The following CTNNA2 variants were observed in gnomAD, a reference collection of about 807,000 sequenced individuals.
CTNNA2 encodes catenin alpha-2.
Under a neutral mutation model 101.0 loss-of-function variants are expected in CTNNA2, and 42 were observed. The ratio of observed to expected loss-of-function variants is 0.42; its 90% CI spans 0.32 to 0.54. The LOEUF is 0.54. CTNNA2 is among the 20% of genes least tolerant of loss of function. CTNNA2 has a pLI of 0.14. For synonymous variants in CTNNA2, 450 were observed against 456.4 expected (o/e 0.99, Z 0.18); for missense variants, 871 against 1,223.1 (o/e 0.71, Z 4.29).
intron 9 of CTNNA2, among the ~76,000 whole-genome samples, chr2:80,436,749 G>A (rs1224263129): frequency 6.6e-6 from 1 of 152,088 alleles, no homozygotes; most frequent in Admixed American, 6.6e-5. Context: ...TCATATGATG[G>A]AAGAGGCAAA....
chr2:79,354,123 G>T (rs1334285111), intron 3 of CTNNA2, among the ~76,000 whole-genome samples: 1 of 151,938 alleles, frequency 6.6e-6, no homozygotes, highest in Non-Finnish European at 1.5e-5. Flanking sequence ...CTTTTGAGTT[G>T]ACCTTGGAAA....
intron 2 of CTNNA2, among the ~76,000 whole-genome samples, chr2:79,212,307 T>G (rs1434194631): frequency 6.6e-6 from 1 of 151,990 alleles, no homozygotes; most frequent in East Asian, 1.9e-4. Context: ...ATGACAAGTT[T>G]TTTGGGGCAC....
chr2:80,189,555 T>G (rs1174567583), intron 7 of CTNNA2, among the ~76,000 whole-genome samples: 2 of 152,172 alleles, frequency 1.3e-5, no homozygotes, highest in Non-Finnish European at 2.9e-5. Context: ...CCTAGTAGCC[T>G]TCAGGATCAC....
intron 7 of CTNNA2, among the ~76,000 whole-genome samples, chr2:79,921,936 TC>T (rs1686685283): frequency 6.6e-6 from 1 of 152,176 alleles, no homozygotes; most frequent in African/African-American, 2.4e-5. Flanking sequence ...TATTCCAGGT[TC>T]CTGCCTTGGT....
intron 6 of CTNNA2, among the ~76,000 whole-genome samples, chr2:79,884,653 A>G (rs1462579477): frequency 1.3e-5 from 2 of 151,650 alleles, no homozygotes; most frequent in Non-Finnish European, 2.9e-5. Context: ...TGGTATAGCA[A>G]CTCTACATAA....
Position 79,327,925 on chromosome 2 carries a change from G to T in CTNNA2, c.-318+15129G>T, listed in dbSNP as rs552687049. Among the ~76,000 whole-genome samples the T allele has an allele frequency of 1.1e-4, 17 of 152,226 alleles. No homozygotes were observed. The South Asian group carries it at 3.5e-3, about 32-fold the overall frequency. On this transcript the variant is annotated intron_variant, in intron 3 of 21. Transcript: ENST00000466387. ...TCAGAAGACTAGTAGGCAAAGGTAG[G>T]GTGTGGAGGAATGAGTCTATGTCAC...
intron 3 of CTNNA2, among the ~76,000 whole-genome samples, chr2:79,813,327 C>T (rs1677199379): frequency 6.6e-6 from 1 of 152,126 alleles, no homozygotes; most frequent in Non-Finnish European, 1.5e-5. Flanking sequence ...TCAAGGGAGG[C>T]AATTGCATTA....
chr2:79,652,551 C>G (rs1009177370), intron 2 of CTNNA2, among the ~76,000 whole-genome samples: 35 of 152,082 alleles, frequency 2.3e-4, no homozygotes, highest in Admixed American at 8.5e-4. Flanking sequence ...TGCATCCCAT[C>G]TCTGAAATTG....
intron 1 of CTNNA2, among the ~76,000 whole-genome samples, chr2:79,563,189 T>TA (rs879673133): frequency 0.028 from 1,126 of 40,312 alleles, 29 homozygotes; most frequent in African/African-American, 0.062. Flanking sequence ...ATATATATAT[T>TA]TTCCTTCATT....
At chr2:79,606,946 A>G (rs957654792) in intron 1 of CTNNA2, among the ~76,000 whole-genome samples, 4 of 152,232 alleles carry the variant, frequency 2.6e-5, no homozygotes, top group African/African-American at 7.2e-5. Context: ...AATCATGTCA[A>G]CGATTACATT....
chr2:80,042,763 T>C (rs758183993), intron 7 of CTNNA2, among the ~76,000 whole-genome samples: 4 of 152,232 alleles, frequency 2.6e-5, no homozygotes, highest in Non-Finnish European at 5.9e-5. Flanking sequence ...TATGCTATTA[T>C]GACTTTTCGA....
intron 7 of CTNNA2, among the ~76,000 whole-genome samples, chr2:80,314,834 G>A (rs1385079408): frequency 6.6e-6 from 1 of 152,212 alleles, no homozygotes; most frequent in East Asian, 1.9e-4. Flanking sequence ...GGTGATGGCT[G>A]GAGGTCATGT....
chr2:79,597,033 C>G (rs1231720949), intron 1 of CTNNA2, among the ~76,000 whole-genome samples: 4 of 152,194 alleles, frequency 2.6e-5, no homozygotes, highest in African/African-American at 9.7e-5. Context: ...AGAACTTCCA[C>G]TGTTTGTGCC....
At chr2:80,367,743 A>T (rs1675068653) in intron 7 of CTNNA2, among the ~76,000 whole-genome samples, 1 of 152,078 alleles carries the variant, frequency 6.6e-6, no homozygotes, top group Non-Finnish European at 1.5e-5. Context: ...TTAAAAAAAG[A>T]GGTAAGTATT....
At chr2:80,013,777 G>A (rs1003350293) in intron 7 of CTNNA2, among the ~76,000 whole-genome samples, 2 of 152,162 alleles carry the variant, frequency 1.3e-5, no homozygotes, top group African/African-American at 4.8e-5. Flanking sequence ...CTGTCTTCCA[G>A]CATCCTACTT....
At chr2:80,399,057 T>A (rs1678313377) in intron 8 of CTNNA2, among the ~76,000 whole-genome samples, 1 of 145,688 alleles carries the variant, frequency 6.9e-6, no homozygotes, top group African/African-American at 2.6e-5. Context: ...TACAAGCATG[T>A]GCCACCACGC....
chr2:79,759,263 C>A (rs565456169), intron 3 of CTNNA2, among the ~76,000 whole-genome samples: 2 of 152,012 alleles, frequency 1.3e-5, no homozygotes, highest in Non-Finnish European at 2.9e-5. Context: ...CACGATGATG[C>A]GCGTCTGTAA....
At chr2:79,582,434 C>A (rs555616805) in intron 1 of CTNNA2, among the ~76,000 whole-genome samples, 1 of 152,240 alleles carries the variant, frequency 6.6e-6, no homozygotes, top group East Asian at 1.9e-4. Context: ...TTAGATGTCT[C>A]TCTTTTTTCT....
rs747165881 is a variant in CTNNA2, at chr2:80,302,751, C to T, written c.1057-90460C>T. On this transcript the variant is annotated intron_variant, in intron 7 of 18. Coordinates refer to ENST00000402739, the MANE Select transcript of CTNNA2 (RefSeq NM_001282597.3). This position sits in a 1 kb window ranked among gnomAD's most constrained non-coding sequence, Gnocchi z 6.4. ...TCCTCGCACAGGTGGAAGGCGTACA[C>T]GGCGTCCAGGACGTCCTCGCCCTGT... is the stretch of plus-strand genomic sequence containing the variant. The T allele has an allele frequency of 8.7e-6, 14 of 1,612,968 alleles. No individual in the cohort carries two copies. Among genetic ancestry groups the T allele is most frequent in the Non-Finnish European group, 1.2e-5 (14 of 1,179,858 alleles).
Sources: gnomAD v4.1 joint callset for allele counts (sites outside exome capture counted in the v4.1 genomes callset) on GRCh38, gnomAD v4.1.1 for gene constraint, Gnocchi (gnomAD v3.1) non-coding constraint, MANE v1.5 for transcripts, NCBI Gene and HGNC (gene_info 2026-07-23, HGNC 2026-07-21) for gene names.